OXR1: variants seen among roughly 807,000 people sequenced by gnomAD.
OXR1 encodes the protein oxidation resistance 1, also known as oxidation resistance protein 1.
Under a neutral mutation model 104.6 loss-of-function variants are expected in OXR1, and 41 were observed. The ratio of observed to expected loss-of-function variants is 0.39; its 90% CI spans 0.31 to 0.51. The LOEUF (loss-of-function observed/expected upper bound fraction) is 0.51, where lower values mean the gene tolerates loss of function less well. Ranked by LOEUF, OXR1 falls within the 20% of genes least tolerant of loss-of-function variation. OXR1 has a pLI of 0.77. For missense variants in OXR1, 955 were observed against 1,031.9 expected, an observed-to-expected ratio of 0.93 and a Z score of 1.02; for synonymous variants, 348 against 348.4, an observed-to-expected ratio of 1.00 and a Z score of 0.01.
At chr8:106,379,791 C>T (rs1443763164) in intron 2 of OXR1, among the ~76,000 whole-genome samples, 1 of 151,994 alleles carries the variant, frequency 6.6e-6, no homozygotes, top group Non-Finnish European at 1.5e-5. Flanking sequence ...GATCCATCTG[C>T]CTTGCCCTCC....
intron 3 of OXR1, among the ~76,000 whole-genome samples, chr8:106,595,558 A>C (rs1027589506): frequency 4.0e-5 from 6 of 151,692 alleles, no homozygotes; most frequent in Admixed American, 1.3e-4. Flanking sequence ...CTCAAAAAAA[A>C]AAAAAAAAAA....
At chr8:106,581,749 C>G (rs1318202146) in intron 3 of OXR1, among the ~76,000 whole-genome samples, 2 of 151,984 alleles carry the variant, frequency 1.3e-5, no homozygotes, top group Non-Finnish European at 2.9e-5. Context: ...CAGGGCCAGG[C>G]ACAATGGCTC....
intron 3 of OXR1, among the ~76,000 whole-genome samples, chr8:106,633,619 C>G (rs59850440): frequency 6.6e-6 from 1 of 152,128 alleles, no homozygotes; most frequent in Non-Finnish European, 1.5e-5. Context: ...ATCATCTGAG[C>G]CAGCAGTTGC....
chr8:106,603,451 G>A (rs368728249), intron 3 of OXR1, among the ~76,000 whole-genome samples: 5 of 152,146 alleles, frequency 3.3e-5, no homozygotes, highest in Admixed American at 2.6e-4. Flanking sequence ...ATGGTATATG[G>A]TAGATAATAC....
intron 6 of OXR1, among the ~76,000 whole-genome samples, chr8:106,691,694 G>C (rs1829303655): frequency 1.3e-5 from 2 of 149,602 alleles, no homozygotes; most frequent in Admixed American, 1.3e-4. Context: ...ACTCAGTTTT[G>C]GGGGAATTGA....
intron 11 of OXR1, among the ~76,000 whole-genome samples, chr8:106,715,513 A>T (rs1832153833): frequency 1.3e-5 from 2 of 151,486 alleles, no homozygotes; most frequent in African/African-American, 4.8e-5. Context: ...AGGTACTTAA[A>T]ATAGCCCAGG....
intron 2 of OXR1, among the ~76,000 whole-genome samples, chr8:106,457,006 C>G (rs985333000): frequency 6.6e-6 from 1 of 152,112 alleles, no homozygotes; most frequent in Non-Finnish European, 1.5e-5. Context: ...TTAGACAGTT[C>G]TCATCAAAAT....
At chr8:106,338,103 C>A (rs902780197) in intron 1 of OXR1, among the ~76,000 whole-genome samples, 1 of 151,976 alleles carries the variant, frequency 6.6e-6, no homozygotes, top group African/African-American at 2.4e-5. Context: ...GTTCTGGGCC[C>A]CAACAAACCA....
intron 3 of OXR1, among the ~76,000 whole-genome samples, chr8:106,652,955 A>G (rs1428955473): frequency 6.6e-6 from 1 of 151,628 alleles, no homozygotes; most frequent in Non-Finnish European, 1.5e-5. Flanking sequence ...TATAAATCAG[A>G]GAAATGAACA....
chr8:106,350,612 A>G (rs907875789), intron 1 of OXR1, among the ~76,000 whole-genome samples: 5 of 152,198 alleles, frequency 3.3e-5, no homozygotes, highest in Admixed American at 3.3e-4. Flanking sequence ...GTTTGTCTCC[A>G]AGGTTACCAT....
chr8:106,525,205 T>C (rs1813566392), intron 3 of OXR1, among the ~76,000 whole-genome samples: 1 of 152,226 alleles, frequency 6.6e-6, no homozygotes, highest in African/African-American at 2.4e-5. Context: ...GAGGACGAGC[T>C]TAACATTTAC....
At chr8:106,429,774 C>G (rs183180338) in intron 2 of OXR1, among the ~76,000 whole-genome samples, 1 of 149,892 alleles carries the variant, frequency 6.7e-6, no homozygotes, top group African/African-American at 2.4e-5. Context: ...TTTTTTTCCT[C>G]TTTCCACCAG....
intron 11 of OXR1, chr8:106,726,104 A>G (rs1409658596): frequency 6.6e-6 from 9 of 1,360,584 alleles, no homozygotes; most frequent in South Asian, 1.6e-5. Flanking sequence ...TCTCTTGTCA[A>G]TCAAATCTTT....
At chr8:106,680,710 C>T (rs527808255) in intron 4 of OXR1, among the ~76,000 whole-genome samples, 10 of 152,252 alleles carry the variant, frequency 6.6e-5, no homozygotes, top group African/African-American at 2.2e-4. Flanking sequence ...ACTTTATAAA[C>T]TACGTGGAGT....
chr8:106,657,717 A>C, intron 3 of OXR1: 4 of 521,124 alleles, frequency 7.7e-6, no homozygotes, highest in Non-Finnish European at 5.5e-6. Flanking sequence ...GTGACAAGCT[A>C]AGTTCTGCCT....
At chr8:106,574,523 G>A (rs1817691913) in intron 3 of OXR1, among the ~76,000 whole-genome samples, 1 of 152,248 alleles carries the variant, frequency 6.6e-6, no homozygotes, top group African/African-American at 2.4e-5. Context: ...AAGTCTAGGA[G>A]ATAAGATCCT....
At chr8:106,622,332 G>A (rs1159545081) in intron 3 of OXR1, among the ~76,000 whole-genome samples, 1 of 152,004 alleles carries the variant, frequency 6.6e-6, no homozygotes, top group Non-Finnish European at 1.5e-5. Flanking sequence ...CCCCACCCCA[G>A]TCAGTTTTCA....
chr8:106,422,656 T>C lies in OXR1; in HGVS notation c.23+63020T>C, dbSNP rs552500161. Among the ~76,000 whole-genome samples, 39 of 152,298 alleles carry C rather than the reference T, an allele frequency of 2.6e-4. No individual in the cohort carries two copies. In the South Asian group the frequency reaches 7.7e-3, roughly 30 times the overall value. ...TTCTCAGAGTTCATACGGACCCTTA[T>C]AGAAATAACTACCATTTTTAGAGCA... On this transcript the variant is annotated intron_variant, in intron 2 of 16. Coordinates refer to ENST00000517566, the MANE Select transcript of OXR1 (RefSeq NM_001198533.2).
At chr8:106,300,490 A>G (rs996274584) in intron 1 of OXR1, among the ~76,000 whole-genome samples, 7 of 151,886 alleles carry the variant, frequency 4.6e-5, no homozygotes, top group African/African-American at 1.7e-4. Flanking sequence ...TCCAACATAT[A>G]CAATGTCTCC....
Sources: gnomAD v4.1 joint callset for allele counts (sites outside exome capture counted in the v4.1 genomes callset) on GRCh38, gnomAD v4.1.1 for gene constraint, MANE v1.5 for transcripts, NCBI Gene and HGNC (gene_info 2026-07-23, HGNC 2026-07-21) for gene names.